AGPAT5: variants seen among roughly 807,000 people sequenced by gnomAD.
The protein encoded by AGPAT5 is 1-acylglycerol-3-phosphate O-acyltransferase 5.
A neutral mutation model predicts 45.6 loss-of-function variants in AGPAT5; 46 were observed. The ratio of observed to expected loss-of-function variants is 1.01; its 90% CI spans 0.80 to 1.29. AGPAT5 has a LOEUF of 1.29. Among genes scored for constraint, AGPAT5 ranks in the 50% most tolerant of loss-of-function variants. The pLI, the probability that AGPAT5 is intolerant of heterozygous loss-of-function variation, is 0.00. For synonymous variants in AGPAT5, 272 were observed against 167.0 expected (o/e 1.63, Z -4.85); for missense variants, 673 against 450.7 (o/e 1.49, Z -4.47).
chr8:6,718,571 G>T (rs1476122444), intron 1 of AGPAT5, among the ~76,000 whole-genome samples: 1 of 152,216 alleles, frequency 6.6e-6, no homozygotes, highest in Non-Finnish European at 1.5e-5. Context: ...GATGTAGTCT[G>T]CAAGCATCCT....
intron 1 of AGPAT5, among the ~76,000 whole-genome samples, chr8:6,713,855 C>T (rs775803185): frequency 6.6e-6 from 1 of 152,182 alleles, no homozygotes; most frequent in African/African-American, 2.4e-5. Flanking sequence ...TTAACTGAAA[C>T]ATTGTTCCAA....
In AGPAT5 at chr8:6,730,762, A is replaced by G; in HGVS notation, c.341A>G (p.His114Arg). The G allele has an allele frequency of 6.2e-7, 1 of 1,613,654 alleles. No homozygotes were observed. Among genetic ancestry groups the G allele is most frequent in the Non-Finnish European group, 8.5e-7 (1 of 1,179,680 alleles). The stretch of plus-strand genomic sequence containing the variant: ...GCCATCAGGCAGAATGCGCTAGGAC[A>G]TGTGCGCTACGTGCTGAAAGAAGGG... ...ILAIRQNALG[H>R]VRYVLKEGLK... The change falls in exon 3 of 8, where the codon CAT becomes CGT. Residue 114 changes from histidine (H) to arginine (R), a missense_variant. Coordinates refer to ENST00000285518, the MANE Select transcript of AGPAT5 (RefSeq NM_018361.5).
chr8:6,715,444 G>A (rs1800290315), intron 1 of AGPAT5, among the ~76,000 whole-genome samples: 1 of 152,196 alleles, frequency 6.6e-6, no homozygotes, highest in African/African-American at 2.4e-5. Context: ...AAAGAAGAGG[G>A]TGGGTTAGTA....
chr8:6,708,850 T>C lies in AGPAT5; in HGVS notation c.182T>C (p.Met61Thr). The C allele has an allele frequency of 6.2e-7, 1 of 1,610,976 alleles. No homozygotes were observed. Among genetic ancestry groups the C allele is most frequent in the Non-Finnish European group, 8.5e-7 (1 of 1,179,282 alleles). ...CGGCTCTACTGCGTCTACCAGAGCA[T>C]GGTGCTCTTCTTCTTCGAGAATTAC... ...DDRLYCVYQS[M>T]VLFFFENYTG... The change falls in exon 1 of 8, where the codon ATG becomes ACG. Residue 61 changes from methionine (M) to threonine (T), a missense_variant. By Grantham distance (81) the Met-to-Thr change is moderately conservative (BLOSUM62 -1). Coordinates refer to ENST00000285518, the MANE Select transcript of AGPAT5 (RefSeq NM_018361.5).
At chr8:6,741,045 T>C (rs971231166) in intron 4 of AGPAT5, among the ~76,000 whole-genome samples, 2 of 152,172 alleles carry the variant, frequency 1.3e-5, no homozygotes, top group Admixed American at 1.3e-4. Flanking sequence ...ATTGATTACT[T>C]ATTAAACGTC....
At chr8:6,747,951 T>C (rs1016986448) in intron 6 of AGPAT5, 123 bp downstream of exon 6, 2 of 1,010,734 alleles carry the variant, frequency 2.0e-6, no homozygotes, top group African/African-American at 3.2e-5. Context: ...TTACCCGGTA[T>C]ATTTTTCAAG....
At chr8:6,741,815 T>C in intron 5 of AGPAT5, 64 bp downstream of exon 5, 1 of 1,311,114 alleles carries the variant, frequency 7.6e-7, no homozygotes, top group African/African-American at 1.5e-5. Context: ...TTAGTTTTTC[T>C]TCCTGGAAAA....
chr8:6,708,962 A>G (rs767971723), intron 1 of AGPAT5, 75 bp downstream of exon 1: 5 of 1,431,692 alleles, frequency 3.5e-6, no homozygotes, highest in Non-Finnish European at 4.8e-6. Context: ...GCTCCCCCAC[A>G]GCTGGCGAGG....
At chr8:6,723,680 G>C (rs777918608) in intron 1 of AGPAT5, among the ~76,000 whole-genome samples, 29 of 152,178 alleles carry the variant, frequency 1.9e-4, no homozygotes, top group Non-Finnish European at 2.9e-4. Context: ...TAAACTTTAT[G>C]AATAAAAACT....
In AGPAT5 at chr8:6,761,275, G is replaced by C. The variant is rs1052864545; in HGVS notation, c.*3887G>C. Reference sequence around the variant, plus strand: ...AGTTTTTCCATCCGGATTATTATTGGTTCATGATTTTATATGTGAATATGT... The same window carrying C: ...AGTTTTTCCATCCGGATTATTATTGCTTCATGATTTTATATGTGAATATGT... On this transcript the variant is annotated 3_prime_UTR_variant, in exon 8 of 8. Coordinates refer to ENST00000285518, the MANE Select transcript of AGPAT5 (RefSeq NM_018361.5). Among the ~76,000 whole-genome samples, 3 of 152,008 alleles carry C rather than the reference G, an allele frequency of 2.0e-5. No individual in the cohort carries two copies. The highest frequency in any genetic ancestry group is 2.9e-5 in the Non-Finnish European group (2 of 68,014).
rs1324340201 is a variant in AGPAT5, at chr8:6,761,306, A to T, written c.*3918A>T. Among the ~76,000 whole-genome samples the T allele has an allele frequency of 6.6e-6, 1 of 152,168 alleles. No homozygotes were observed. Among genetic ancestry groups the T allele is most frequent in the Non-Finnish European group, 1.5e-5 (1 of 68,046 alleles). On this transcript the variant is annotated 3_prime_UTR_variant, in exon 8 of 8. Coordinates refer to ENST00000285518, the MANE Select transcript of AGPAT5 (RefSeq NM_018361.5). ...GATTTTATATGTGAATATGTAAGAT[A>T]TGTTCTGCAATTTTATAAATGTTCA...
At chr8:6,716,810 GC>G (rs1338411044) in intron 1 of AGPAT5, among the ~76,000 whole-genome samples, 1 of 152,082 alleles carries the variant, frequency 6.6e-6, no homozygotes, top group African/African-American at 2.4e-5. Context: ...TCCAGACTGG[GC>G]AACAAGAGCG....
At chr8:6,743,118 A>G (rs1801291397) in intron 5 of AGPAT5, among the ~76,000 whole-genome samples, 1 of 152,160 alleles carries the variant, frequency 6.6e-6, no homozygotes, top group African/African-American at 2.4e-5. Flanking sequence ...GTTCTCCATT[A>G]TCCTCCCAAC....
chr8:6,743,358 G>A (rs918027948), intron 5 of AGPAT5, among the ~76,000 whole-genome samples: 2 of 152,130 alleles, frequency 1.3e-5, no homozygotes, highest in Non-Finnish European at 2.9e-5. Context: ...GGACCCATTT[G>A]TACAATTGTC....
At chr8:6,723,492 A>T (rs1485667905) in intron 1 of AGPAT5, among the ~76,000 whole-genome samples, 5 of 141,880 alleles carry the variant, frequency 3.5e-5, no homozygotes, top group Admixed American at 7.0e-5. Context: ...AAGCACTGGG[A>T]TTGCAGGCAT....
chr8:6,718,563 T>C (rs541958851), intron 1 of AGPAT5, among the ~76,000 whole-genome samples: 9 of 152,322 alleles, frequency 5.9e-5, no homozygotes, highest in African/African-American at 2.2e-4. Context: ...TTCTGTTAGA[T>C]GTAGTCTGCA....
intron 6 of AGPAT5, 67 bp downstream of exon 6, chr8:6,747,895 T>C: frequency 6.7e-7 from 1 of 1,486,898 alleles, no homozygotes; most frequent in South Asian, 1.4e-5. Context: ...TATGTAGAAT[T>C]CAGTTTTACA....
At chr8:6,709,877 G>A (rs1800091244) in intron 1 of AGPAT5, among the ~76,000 whole-genome samples, 1 of 152,274 alleles carries the variant, frequency 6.6e-6, no homozygotes, top group African/African-American at 2.4e-5. Context: ...ATTTAAACCA[G>A]TGTCTGTAAG....
At chr8:6,710,436 G>T (rs1014476334) in intron 1 of AGPAT5, among the ~76,000 whole-genome samples, 13 of 152,174 alleles carry the variant, frequency 8.5e-5, no homozygotes, top group African/African-American at 3.1e-4. Flanking sequence ...GATGCCTGAG[G>T]ACCCTTAAGT....
Sources: allele counts gnomAD v4.1 joint callset (sites outside exome capture counted in the v4.1 genomes callset), GRCh38; gene constraint gnomAD v4.1.1; transcripts MANE v1.5; gene names NCBI Gene and HGNC (gene_info 2026-07-23, HGNC 2026-07-21).